ARHGEF11: variants seen among roughly 807,000 people sequenced by gnomAD.
The protein encoded by ARHGEF11 is Rho guanine nucleotide exchange factor 11, also known as Rho guanine exchange factor (GEF) 11.
In ARHGEF11, 55 loss-of-function variants were observed where a neutral mutation model predicts 193.7. The ratio of observed to expected loss-of-function variants is 0.28; its 90% CI spans 0.23 to 0.36. The LOEUF (loss-of-function observed/expected upper bound fraction) is 0.36, where lower values mean the gene tolerates loss of function less well. ARHGEF11 is among the 10% of genes least tolerant of loss of function. The pLI is 1.00. For synonymous variants in ARHGEF11, 693 were observed against 768.0 expected (o/e 0.90, Z 1.62); for missense variants, 1,723 against 2,005.6 (o/e 0.86, Z 2.69).
intron 33 of ARHGEF11, 136 bp from the exon 34 acceptor site, chr1:156,942,125 A>G: frequency 7.9e-7 from 1 of 1,266,194 alleles, no homozygotes; most frequent in Non-Finnish European, 1.1e-6. Context: ...CTCCCTGTAC[A>G]GTCCTCCCTG....
intron 1 of ARHGEF11, among the ~76,000 whole-genome samples, chr1:157,024,329 T>C (rs1437671296): frequency 6.6e-6 from 1 of 152,072 alleles, no homozygotes; most frequent in Non-Finnish European, 1.5e-5. Context: ...ATTTTTGGGG[T>C]GATGAAAATT....
chr1:156,983,256 T>C (rs1476696524), intron 3 of ARHGEF11, among the ~76,000 whole-genome samples: 2 of 152,192 alleles, frequency 1.3e-5, no homozygotes, highest in Non-Finnish European at 2.9e-5. Context: ...GGAGTCTCGC[T>C]CAGTCACCCA....
chr1:156,993,757 C>T (rs61801967), intron 1 of ARHGEF11, among the ~76,000 whole-genome samples: 2,381 of 152,254 alleles, frequency 0.016, 21 homozygotes, highest in Middle Eastern at 0.058. Context: ...GCAAACACAC[C>T]GTCCTAGACC....
intron 1 of ARHGEF11, among the ~76,000 whole-genome samples, chr1:157,020,320 A>C (rs1669819455): frequency 2.0e-5 from 3 of 151,968 alleles, no homozygotes; most frequent in Admixed American, 1.3e-4. Flanking sequence ...AAAGTGATTA[A>C]AAGAAAAAAC....
chr1:157,015,172 T>G (rs1166832904), intron 1 of ARHGEF11, among the ~76,000 whole-genome samples: 1 of 152,198 alleles, frequency 6.6e-6, no homozygotes, highest in Non-Finnish European at 1.5e-5. Flanking sequence ...AAATTGTCTA[T>G]GCTTCTCATT....
rs377304268 is a variant in ARHGEF11 at position 157,006,695 on chromosome 1, A to G, written c.33-20522T>C. The stretch of plus-strand genomic sequence containing the variant: ...CTTTCCAGACAATTGGATAGGGCTC[A>G]GGTCAGAAAGGCAGAGACTGAGAAA... On this transcript the variant is annotated intron_variant, in intron 1 of 40. Coordinates refer to ENST00000368194, the MANE Select transcript of ARHGEF11 (RefSeq NM_198236.3). Among the ~76,000 whole-genome samples the G allele has an allele frequency of 3.1e-3, 467 of 152,342 alleles. 1 individual carries two copies. Among genetic ancestry groups the G allele is most frequent in the African/African-American group, 0.011 (449 of 41,576 alleles).
chr1:156,999,852 A>G (rs939390643), intron 1 of ARHGEF11, among the ~76,000 whole-genome samples: 1 of 152,162 alleles, frequency 6.6e-6, no homozygotes, highest in Non-Finnish European at 1.5e-5. Flanking sequence ...AAGCCACACC[A>G]CTTCTCAGTC....
intron 1 of ARHGEF11, among the ~76,000 whole-genome samples, chr1:157,000,932 G>T (rs1253702360): frequency 6.6e-6 from 1 of 152,196 alleles, no homozygotes; most frequent in East Asian, 1.9e-4. Context: ...ACTTCAGGAA[G>T]CCCTGCCAGA....
chr1:156,984,898 T>C (rs763199786), intron 2 of ARHGEF11, among the ~76,000 whole-genome samples: 4 of 152,058 alleles, frequency 2.6e-5, no homozygotes, highest in Non-Finnish European at 5.9e-5. Context: ...ATTCTTTTTA[T>C]AGAGCTGGAT....
intron 1 of ARHGEF11, among the ~76,000 whole-genome samples, chr1:157,036,196 A>AAT (rs370355162): frequency 0.28 from 37,498 of 131,886 alleles, 5,857 homozygotes; most frequent in East Asian, 0.44. Context: ...TACATATATG[A>AAT]ATATATATAC....
intron 1 of ARHGEF11, among the ~76,000 whole-genome samples, chr1:157,033,525 C>T (rs1671556966): frequency 6.6e-6 from 1 of 152,182 alleles, no homozygotes; most frequent in African/African-American, 2.4e-5. Context: ...CCATGGTGAT[C>T]TTGCTTTTGT....
chr1:157,035,777 A>T lies in ARHGEF11; in HGVS notation c.32+8522T>A, dbSNP rs1433757481. 1.4e-3 allele frequency among the ~76,000 whole-genome samples: 158 copies of T among 115,946 alleles called. 1 individual carries two copies. The highest frequency in any genetic ancestry group is 4.8e-3 in the African/African-American group (154 of 31,860). 76.1% of individuals were successfully genotyped at this position (115,946 alleles called of 152,430 possible). On this transcript the variant is annotated intron_variant, in intron 1 of 40. Transcript: ENST00000368194. ...ATGTGGGAATATATATATATACAGG[A>T]ATATATATATATAGGAATATATATA...
At chr1:156,982,663 A>G (rs1664353802) in intron 3 of ARHGEF11, among the ~76,000 whole-genome samples, 1 of 152,198 alleles carries the variant, frequency 6.6e-6, no homozygotes, top group South Asian at 2.1e-4. Flanking sequence ...GCCTAAGAGA[A>G]GGAAGAAGGT....
At position 156,994,262 on chromosome 1, in the gene ARHGEF11, C is replaced by G. The variant is rs555411568; in HGVS notation, c.33-8089G>C. 7.6e-4 allele frequency among the ~76,000 whole-genome samples: 115 copies of G among 152,284 alleles called. No individual in the cohort carries two copies. The Middle Eastern group carries it at 0.017, about 23-fold the overall frequency. On this transcript the variant is annotated intron_variant, in intron 1 of 40. Coordinates refer to ENST00000368194, the MANE Select transcript of ARHGEF11 (RefSeq NM_198236.3). ...AGTGCCTGGTGCATAGTGAGGGTCGCTCCAAAAATGTTAGCTGAAGGACCC... is the reference window on the plus strand; with the variant it reads ...AGTGCCTGGTGCATAGTGAGGGTCGGTCCAAAAATGTTAGCTGAAGGACCC...
chr1:157,017,958 AC>A (rs1669483291), intron 1 of ARHGEF11, among the ~76,000 whole-genome samples: 2 of 152,146 alleles, frequency 1.3e-5, no homozygotes, highest in Admixed American at 1.3e-4. Flanking sequence ...TAGAGAATTA[AC>A]AAAAAAGCTA....
At chr1:156,994,237 A>G (rs569873395) in intron 1 of ARHGEF11, among the ~76,000 whole-genome samples, 62 of 152,308 alleles carry the variant, frequency 4.1e-4, no homozygotes, top group African/African-American at 1.4e-3. Flanking sequence ...GTTCCAGCAC[A>G]GTGCCTGGTG....
intron 1 of ARHGEF11, among the ~76,000 whole-genome samples, chr1:157,027,771 C>G (rs1462211502): frequency 1.3e-5 from 2 of 152,204 alleles, no homozygotes; most frequent in Non-Finnish European, 2.9e-5. Flanking sequence ...ACTGCCTCAA[C>G]TAACAGACCC....
upstream of ARHGEF11, among the ~76,000 whole-genome samples, chr1:157,046,840 C>CT (rs984809376): frequency 2.0e-5 from 3 of 151,668 alleles, no homozygotes. Flanking sequence ...TGAAACCCCC[C>CT]CCCTCTACTA....
chr1:156,942,594 G>T, intron 33 of ARHGEF11, 96 bp downstream of exon 33: 1 of 1,121,152 alleles, frequency 8.9e-7, no homozygotes, highest in Non-Finnish European at 1.3e-6. Context: ...GACTGCTTTG[G>T]GGCCCAAACC....
Sources: allele counts gnomAD v4.1 joint callset (sites outside exome capture counted in the v4.1 genomes callset), GRCh38; gene constraint gnomAD v4.1.1; transcripts MANE v1.5; gene names NCBI Gene and HGNC (gene_info 2026-07-23, HGNC 2026-07-21).